RBFOX1: variants seen among roughly 807,000 people sequenced by gnomAD.
The protein encoded by RBFOX1 is RNA binding fox-1 homolog 1.
A neutral mutation model predicts 57.7 loss-of-function variants in RBFOX1; 8 were observed. The ratio of observed to expected loss-of-function variants is 0.14; its 90% confidence interval spans 0.08 to 0.25. RBFOX1 has a LOEUF of 0.25. Among genes scored for constraint, RBFOX1 ranks in the 10% least tolerant of loss-of-function variants. RBFOX1 has a pLI of 1.00. For synonymous variants in RBFOX1, 326 were observed against 222.4 expected (o/e 1.47, Z -4.15); for missense variants, 611 against 548.5 (o/e 1.11, Z -1.14).
chr16:5,749,225 G>A (rs562783364), intron 3 of RBFOX1, among the ~76,000 whole-genome samples: 138 of 152,182 alleles, frequency 9.1e-4, no homozygotes, highest in Non-Finnish European at 1.5e-3. Flanking sequence ...AGTTTCTGCC[G>A]AGAGATCTGC....
intron 4 of RBFOX1, among the ~76,000 whole-genome samples, chr16:7,140,369 G>A (rs1209031019): frequency 6.8e-6 from 1 of 147,580 alleles, no homozygotes; most frequent in Non-Finnish European, 1.5e-5. Context: ...CTGTATGATA[G>A]GATTTTCTTC....
At chr16:7,348,055 TTC>T (rs2097052395) in intron 4 of RBFOX1, among the ~76,000 whole-genome samples, 1 of 152,248 alleles carries the variant, frequency 6.6e-6, no homozygotes, top group Non-Finnish European at 1.5e-5. Context: ...CTCCTTTGAC[TTC>T]TGTTTAACAG....
intron 4 of RBFOX1, among the ~76,000 whole-genome samples, chr16:7,460,808 C>CA (rs1421628688): frequency 6.6e-6 from 1 of 151,968 alleles, no homozygotes; most frequent in Non-Finnish European, 1.5e-5. Context: ...ATTAGGTTCC[C>CA]AAAACTGCAT....
chr16:5,677,384 G>T (rs773778126), intron 3 of RBFOX1, among the ~76,000 whole-genome samples: 2 of 152,160 alleles, frequency 1.3e-5, no homozygotes, highest in African/African-American at 4.8e-5. Context: ...GATAGTCAAA[G>T]AATTCTTAGG....
rs144510114 is a variant in RBFOX1 at position 5,407,793 on chromosome 16, A to G, written c.220-59423A>G. ...CGAACTCCTGACCTCAAACGATCCA[A>G]CTGCCCCGGCCTCCCAAAGTGCTGG... On this transcript the variant is annotated intron_variant, in intron 1 of 2. Coordinates refer to the RBFOX1 transcript ENST00000585867. 3.3e-3 allele frequency among the ~76,000 whole-genome samples: 503 copies of G among 152,144 alleles called. 7 individuals are homozygous for G. Among genetic ancestry groups the G allele is most frequent in the African/African-American group, 0.012 (478 of 41,506 alleles).
intron 10 of RBFOX1, among the ~76,000 whole-genome samples, chr16:7,617,582 C>T (rs1366096974): frequency 6.6e-6 from 1 of 152,124 alleles, no homozygotes; most frequent in Non-Finnish European, 1.5e-5. Context: ...AGCTGGATGG[C>T]ACTCAGTTGT....
chr16:7,011,068 A>AT (rs200444462), intron 3 of RBFOX1, among the ~76,000 whole-genome samples: 46,185 of 145,334 alleles, frequency 0.32, 9,633 homozygotes, highest in African/African-American at 0.59. Flanking sequence ...AAGCAAATTC[A>AT]TTTTTTTTTT....
At chr16:6,805,461 G>T (rs2086532016) in intron 3 of RBFOX1, among the ~76,000 whole-genome samples, 1 of 152,098 alleles carries the variant, frequency 6.6e-6, no homozygotes, top group Non-Finnish European at 1.5e-5. Context: ...CCTGGGTGGT[G>T]AAATAATCTG....
intron 3 of RBFOX1, among the ~76,000 whole-genome samples, chr16:5,669,820 T>A (rs1366138493): frequency 6.6e-6 from 1 of 152,200 alleles, no homozygotes; most frequent in Non-Finnish European, 1.5e-5. Context: ...TTTAAACAAT[T>A]GCCATAGGGC....
chr16:7,399,394 C>T (rs2098199126), intron 4 of RBFOX1, among the ~76,000 whole-genome samples: 1 of 152,098 alleles, frequency 6.6e-6, no homozygotes, highest in Non-Finnish European at 1.5e-5. Flanking sequence ...TTGCAGTGAG[C>T]CGGGATCAGA....
intron 3 of RBFOX1, among the ~76,000 whole-genome samples, chr16:6,780,398 T>TTTTATATATA (rs1365344531): frequency 0.024 from 1,898 of 79,938 alleles, 148 homozygotes; most frequent in African/African-American, 0.095. Flanking sequence ...TTATATATAT[T>TTTTATATATA]TTTATATATA....
chr16:7,670,679 A>T (rs996944664), intron 13 of RBFOX1, among the ~76,000 whole-genome samples: 40 of 152,288 alleles, frequency 2.6e-4, no homozygotes, highest in African/African-American at 9.6e-4. Flanking sequence ...TAAGGAAGCA[A>T]ATTTAAACTG....
At chr16:6,369,020 A>C (rs1467933492) in intron 2 of RBFOX1, among the ~76,000 whole-genome samples, 2 of 152,222 alleles carry the variant, frequency 1.3e-5, no homozygotes, top group African/African-American at 4.8e-5. Context: ...ATGCTTGTGT[A>C]AAATTGAAAC....
intron 4 of RBFOX1, among the ~76,000 whole-genome samples, chr16:7,092,407 T>C (rs1245320677): frequency 1.3e-5 from 2 of 152,240 alleles, no homozygotes; most frequent in African/African-American, 4.8e-5. Flanking sequence ...ATCACACTGC[T>C]TTAGAACTTA....
intron 2 of RBFOX1, among the ~76,000 whole-genome samples, chr16:6,379,915 G>A (rs544881599): frequency 6.6e-6 from 1 of 152,172 alleles, no homozygotes; most frequent in Non-Finnish European, 1.5e-5. Context: ...CTGGAAAGGG[G>A]CCTGATGGAG....
At chr16:5,558,168 G>C (rs1029884169) in intron 2 of RBFOX1, among the ~76,000 whole-genome samples, 2 of 152,170 alleles carry the variant, frequency 1.3e-5, no homozygotes, top group Non-Finnish European at 2.9e-5. Flanking sequence ...TGCTGGGCGA[G>C]AACTTGGGAT....
At chr16:5,778,173 G>A (rs1267559757) in intron 3 of RBFOX1, among the ~76,000 whole-genome samples, 2 of 152,110 alleles carry the variant, frequency 1.3e-5, no homozygotes, top group African/African-American at 2.4e-5. Context: ...ATTGGGGAAG[G>A]TGGGGAGGAA....
intron 4 of RBFOX1, among the ~76,000 whole-genome samples, chr16:7,468,271 G>C (rs2060891612): frequency 6.6e-6 from 1 of 152,184 alleles, no homozygotes. Flanking sequence ...ACACCCCAAA[G>C]AGTGTATGCT....
At chr16:5,528,172 G>T (rs548075053) in intron 2 of RBFOX1, among the ~76,000 whole-genome samples, 1 of 152,108 alleles carries the variant, frequency 6.6e-6, no homozygotes, top group Non-Finnish European at 1.5e-5. Context: ...GGGTCCTAAG[G>T]TTCTGCTCGA....
Sources: allele counts gnomAD v4.1 joint callset (sites outside exome capture counted in the v4.1 genomes callset), GRCh38; gene constraint gnomAD v4.1.1; transcripts MANE v1.5; gene names NCBI Gene and HGNC (gene_info 2026-07-23, HGNC 2026-07-21).